Variants in MYO3B observed in about 807,000 individuals in gnomAD.
MYO3B encodes myosin-IIIb.
MYO3B carries 156 observed loss-of-function variants against 174.6 expected under a neutral mutation model. That is an observed-to-expected ratio of 0.89 (90% CI 0.78 to 1.02). The LOEUF is 1.02. Ranked by LOEUF, MYO3B falls within the 50% of genes least tolerant of loss-of-function variation. The pLI is 0.00. For missense variants in MYO3B, 1,632 were observed against 1,639.4 expected, an observed-to-expected ratio of 1.00 and a Z score of 0.08; for synonymous variants, 563 against 569.1, an observed-to-expected ratio of 0.99 and a Z score of 0.15.
At chr2:170,464,870 T>A (rs1265338629) in intron 24 of MYO3B, among the ~76,000 whole-genome samples, 1 of 150,196 alleles carries the variant, frequency 6.7e-6, no homozygotes, top group Non-Finnish European at 1.5e-5. Flanking sequence ...ACTGGATAAT[T>A]TTTTTTTTTC....
At chr2:170,196,691 C>T (rs1273245045) in intron 1 of MYO3B, among the ~76,000 whole-genome samples, 1 of 152,154 alleles carries the variant, frequency 6.6e-6, no homozygotes, top group Non-Finnish European at 1.5e-5. Context: ...AAAATTATGG[C>T]AGTGGGGAAG....
chr2:170,442,438 A>T (rs113780375), intron 22 of MYO3B, among the ~76,000 whole-genome samples: 2,332 of 151,552 alleles, frequency 0.015, 21 homozygotes, highest in South Asian at 0.025. Context: ...TTTCTGTTCA[A>T]ATATATTGCC....
At chr2:170,612,823 T>C (rs373073028) in intron 32 of MYO3B, among the ~76,000 whole-genome samples, 3 of 152,222 alleles carry the variant, frequency 2.0e-5, no homozygotes, top group African/African-American at 7.2e-5. Flanking sequence ...CAAGCAACCT[T>C]ACTGTGCAGC....
At chr2:170,510,116 G>C (rs1253519772) in intron 28 of MYO3B, among the ~76,000 whole-genome samples, 1 of 152,206 alleles carries the variant, frequency 6.6e-6, no homozygotes, top group East Asian at 1.9e-4. Context: ...TAATTTCATA[G>C]ACTTTGAGCC....
intron 12 of MYO3B, among the ~76,000 whole-genome samples, chr2:170,384,515 G>C (rs1574890563): frequency 6.6e-6 from 1 of 152,040 alleles, no homozygotes; most frequent in South Asian, 2.1e-4. Flanking sequence ...CTAAGATCTG[G>C]AAAAGTCCCA....
intron 25 of MYO3B, among the ~76,000 whole-genome samples, chr2:170,475,750 CTCT>C (rs1361956479): frequency 2.0e-5 from 3 of 152,202 alleles, no homozygotes; most frequent in Non-Finnish European, 2.9e-5. Context: ...ACTTCTGTGC[CTCT>C]TCTTCGTTGT....
At chr2:170,588,356 T>C (rs1307035421) in intron 32 of MYO3B, among the ~76,000 whole-genome samples, 1 of 152,130 alleles carries the variant, frequency 6.6e-6, no homozygotes, top group African/African-American at 2.4e-5. Context: ...GGAGGATTTC[T>C]TAAGCCCAGG....
chr2:170,271,566 T>C (rs962270268), intron 7 of MYO3B, among the ~76,000 whole-genome samples: 3 of 152,208 alleles, frequency 2.0e-5, no homozygotes, highest in African/African-American at 7.2e-5. Context: ...TTTGCCTAAG[T>C]GTGGAATCTG....
chr2:170,501,630 C>T (rs968073088), intron 27 of MYO3B, among the ~76,000 whole-genome samples, 155 bp from the exon 28 acceptor site: 1 of 152,156 alleles, frequency 6.6e-6, no homozygotes, highest in Non-Finnish European at 1.5e-5. Context: ...CCTCTCTTCT[C>T]GCCATAGATC....
chr2:170,310,070 T>G (rs913165028), intron 7 of MYO3B, among the ~76,000 whole-genome samples: 2 of 152,256 alleles, frequency 1.3e-5, no homozygotes, highest in Admixed American at 1.3e-4. Context: ...TCAAGGCTTA[T>G]GCACATTGTA....
chr2:170,576,571 G>A (rs1288615934), intron 32 of MYO3B, among the ~76,000 whole-genome samples: 1 of 152,198 alleles, frequency 6.6e-6, no homozygotes, highest in Non-Finnish European at 1.5e-5. Flanking sequence ...CCATTCCACC[G>A]TCACACAGAG....
chr2:170,630,430 A>T lies in MYO3B; in HGVS notation c.3734-21198A>T, dbSNP rs554670277. 7.1e-4 allele frequency among the ~76,000 whole-genome samples: 108 copies of T among 152,286 alleles called. 3 individuals are homozygous for T. In the South Asian group the frequency reaches 0.022, roughly 31 times the overall value. Reference sequence around the variant, plus strand: ...ACTGAGTGGGGCCCACCGCAGCTCAACGAGGCCTGCCTGCCTCTGTAGACT... The same window carrying T: ...ACTGAGTGGGGCCCACCGCAGCTCATCGAGGCCTGCCTGCCTCTGTAGACT... On this transcript the variant is annotated intron_variant, in intron 32 of 34. Coordinates refer to ENST00000408978, the MANE Select transcript of MYO3B (RefSeq NM_138995.5).
intron 9 of MYO3B, among the ~76,000 whole-genome samples, chr2:170,372,939 C>T (rs1465310292): frequency 6.6e-6 from 1 of 152,100 alleles, no homozygotes; most frequent in Non-Finnish European, 1.5e-5. Context: ...ATGGCTGGAG[C>T]TTGGCATGGG....
intron 32 of MYO3B, among the ~76,000 whole-genome samples, chr2:170,556,315 G>T (rs971323588): frequency 6.6e-6 from 1 of 152,148 alleles, no homozygotes; most frequent in African/African-American, 2.4e-5. Context: ...TCAGGTTTTG[G>T]TGTGGATGTA....
intron 7 of MYO3B, among the ~76,000 whole-genome samples, chr2:170,325,088 T>G (rs967117887): frequency 2.6e-5 from 4 of 152,204 alleles, no homozygotes; most frequent in Non-Finnish European, 4.4e-5. Flanking sequence ...TCTTGGGTAC[T>G]CCATCTCAGT....
intron 30 of MYO3B, chr2:170,524,636 A>G (rs767035670): frequency 6.1e-5 from 20 of 328,162 alleles, no homozygotes; most frequent in Non-Finnish European, 1.1e-4. Flanking sequence ...GGTGCGTGCC[A>G]TAACACCTGG....
chr2:170,257,976 T>G (rs1559340145), intron 7 of MYO3B, among the ~76,000 whole-genome samples: 5 of 152,154 alleles, frequency 3.3e-5, no homozygotes. Flanking sequence ...AGGAAATGGA[T>G]AAATTCCTGG....
intron 7 of MYO3B, among the ~76,000 whole-genome samples, chr2:170,269,163 C>G (rs957964634): frequency 2.0e-5 from 3 of 152,076 alleles, no homozygotes. Flanking sequence ...AGTGTGAGCC[C>G]GGCATTTAAA....
chr2:170,185,989 A>G (rs1406551232), intron 1 of MYO3B, among the ~76,000 whole-genome samples: 1 of 152,150 alleles, frequency 6.6e-6, no homozygotes, highest in Non-Finnish European at 1.5e-5. Flanking sequence ...TTGATTTTGT[A>G]TCCTGAAACT....
Sources: gnomAD v4.1 joint callset for allele counts (sites outside exome capture counted in the v4.1 genomes callset) on GRCh38, gnomAD v4.1.1 for gene constraint, MANE v1.5 for transcripts, NCBI Gene and HGNC (gene_info 2026-07-23, HGNC 2026-07-21) for gene names.